Variants in TOPBP1 observed in about 807,000 individuals in gnomAD.
TOPBP1 encodes the protein DNA topoisomerase II binding protein 1, also known as DNA topoisomerase 2-binding protein 1.
In TOPBP1, 28 loss-of-function variants were observed where a neutral mutation model predicts 167.7. The ratio of observed to expected loss-of-function variants is 0.17; its 90% CI spans 0.12 to 0.23. TOPBP1 has a LOEUF of 0.23. Ranked by LOEUF, TOPBP1 falls within the 10% of genes least tolerant of loss-of-function variation. The pLI, the probability that TOPBP1 is intolerant of heterozygous loss-of-function variation, is 1.00. For missense variants in TOPBP1, 1,554 were observed against 1,809.6 expected (o/e 0.86, Z 2.56); for synonymous variants, 598 against 611.4 (o/e 0.98, Z 0.32).
At chr3:133,655,224 A>G in intron 6 of TOPBP1, 66 bp downstream of exon 6, 1 of 1,042,880 alleles carries the variant, frequency 9.6e-7, no homozygotes, top group Admixed American at 4.0e-5. Context: ...AAATAAATAA[A>G]TAAAAATAAA....
At chr3:133,615,030 A>G (rs892473420) in intron 23 of TOPBP1, among the ~76,000 whole-genome samples, 1 of 152,032 alleles carries the variant, frequency 6.6e-6, no homozygotes, top group Non-Finnish European at 1.5e-5. Context: ...CCCGCAAAAA[A>G]AAGAGAAAGT....
rs775769307 is a variant in TOPBP1 at position 133,601,337 on chromosome 3, C to G, written c.4482G>C (p.Gln1494His). The change falls in exon 28 of 28, where the codon CAG (glutamine) becomes CAC (histidine). Residue 1494 changes from glutamine to histidine, a missense_variant. This residue lies in a region of TOPBP1 where 351 missense variants were observed against 432.9 expected (regional missense o/e 0.81). Transcript: ENST00000260810. ...YCLPEAISFI[Q>H]NNKELGTGLS... ...ATCCAGTCCCAAGTTCCTTATTATT[C>G]TGAATAAATGAAATAGCTTCTGGTA... 8 of 1,591,616 alleles carry G rather than the reference C, an allele frequency of 5.0e-6. No individual in the cohort carries two copies. In the African/African-American group the frequency reaches 1.1e-4, roughly 22 times the overall value.
rs1317780953 is a variant in TOPBP1 at position 133,656,665 on chromosome 3, GTCTT to G, written c.545+7_545+10del. The G allele has an allele frequency of 6.3e-7, 1 of 1,575,972 alleles. No homozygotes were observed. The highest frequency in any genetic ancestry group is 2.3e-5 in the East Asian group (1 of 43,740). On this transcript the variant is annotated splice_region_variant and intron_variant, in intron 5 of 27. Transcript: ENST00000260810. ...TTTCAAATCTAGAAAATATAAAAATGTCTTTCTTACTTCTCTTGTGACTTCTCCC... is the reference window on the plus strand; with the variant it reads ...TTTCAAATCTAGAAAATATAAAAATGTCTTACTTCTCTTGTGACTTCTCCC...
intron 12 of TOPBP1, 44 bp from the exon 13 acceptor site, chr3:133,640,214 T>A: frequency 6.5e-7 from 1 of 1,530,298 alleles, no homozygotes; most frequent in Non-Finnish European, 8.9e-7. Context: ...ACATATACAA[T>A]TAACCCGCAA....
At position 133,655,470 on chromosome 3, in the gene TOPBP1, T is replaced by C. The variant is rs1020520511; in HGVS notation, c.562A>G (p.Thr188Ala). The change falls in exon 6 of 28, where the codon ACT (threonine) becomes GCT (alanine). Residue 188 changes from threonine to alanine, a missense_variant. Transcript: ENST00000260810. Reference sequence around the variant, plus strand: ...TTGAAATCTTCCATGTTTATATCAGTATATCTAGTTATTTTTCTGTGGGAA... The same window carrying C: ...TTGAAATCTTCCATGTTTATATCAGCATATCTAGTTATTTTTCTGTGGGAA... ...KSQEKKITRY[T>A]DINMEDFKCP... The C allele has an allele frequency of 1.3e-6, 2 of 1,505,944 alleles. No individual in the cohort carries two copies. Among genetic ancestry groups the C allele is most frequent in the African/African-American group, 1.4e-5 (1 of 70,228 alleles). 93.3% of individuals were successfully genotyped at this position (1,505,944 alleles called of 1,614,324 possible).
At position 133,610,916 on chromosome 3, in the gene TOPBP1, C is replaced by T. The variant is rs188306469; in HGVS notation, c.4173+88G>A. ...AAAAAGACAAGTAGAATCATTATTT[C>T]CTGAAGCACATTCTCTTTTAAAAAA... On this transcript the variant is annotated intron_variant, in intron 25 of 27. Coordinates refer to ENST00000260810, the MANE Select transcript of TOPBP1 (RefSeq NM_007027.4). The T allele has an allele frequency of 5.9e-4, 795 of 1,354,994 alleles. 4 individuals are homozygous for T. Among genetic ancestry groups the T allele is most frequent in the Middle Eastern group, 5.2e-3 (24 of 4,606 alleles). The allele number at this position is 1,354,994 out of a possible 1,614,324, so 83.9% of individuals were successfully genotyped here.
chr3:133,617,613 A>G (rs1475826813), intron 21 of TOPBP1: 2 of 234,984 alleles, frequency 8.5e-6, no homozygotes, highest in East Asian at 1.8e-4. Flanking sequence ...CCAAGTTTTC[A>G]TTGTTAAGTG....
chr3:133,617,444 A>C (rs1934936374), intron 21 of TOPBP1, 118 bp from the exon 22 acceptor site: 1 of 1,207,194 alleles, frequency 8.3e-7, no homozygotes, highest in Admixed American at 3.5e-5. Context: ...CTGGAATGTA[A>C]AAAGTACAGG....
In TOPBP1 at chr3:133,601,341, A is replaced by C. The variant is rs764726494; in HGVS notation, c.4478T>G (p.Ile1493Ser). Residue 1493 changes from isoleucine to serine, a missense_variant, in exon 28 of 28, where the codon ATT becomes AGT. Around this residue, in one of 3 missense-constraint regions of TOPBP1, gnomAD observed 351 missense variants for 432.9 expected, o/e 0.81. Coordinates refer to ENST00000260810, the MANE Select transcript of TOPBP1 (RefSeq NM_007027.4). ...AGTCCCAAGTTCCTTATTATTCTGA[A>C]TAAATGAAATAGCTTCTGGTAGACA... ...NYCLPEAISF[I>S]QNNKELGTGL... 6.3e-7 allele frequency: 1 copy of C among 1,589,938 alleles called. No individual in the cohort carries two copies. The highest frequency in any genetic ancestry group is 8.6e-7 in the Non-Finnish European group (1 of 1,168,220).
chr3:133,616,018 T>A (rs2107777225), intron 23 of TOPBP1, among the ~76,000 whole-genome samples: 1 of 152,348 alleles, frequency 6.6e-6, no homozygotes, highest in East Asian at 1.9e-4. Context: ...TCTTTTACTA[T>A]GCTGCTTCTA....
chr3:133,658,228 G>A (rs1203470048), intron 3 of TOPBP1, among the ~76,000 whole-genome samples: 1 of 152,184 alleles, frequency 6.6e-6, no homozygotes, highest in Non-Finnish European at 1.5e-5. Flanking sequence ...CTTCAGAGGA[G>A]GCCGAGCGGG....
In TOPBP1 at chr3:133,608,495, T is replaced by A. The variant is rs192305533; in HGVS notation, c.4425+40A>T. On this transcript the variant is annotated intron_variant, in intron 27 of 27. Coordinates refer to ENST00000260810, the MANE Select transcript of TOPBP1 (RefSeq NM_007027.4). ...TTACTTATCTATGCACATAAACGTA[T>A]CTCTGGTAATGAGGAGGTCAAGGAT... 8.2e-5 allele frequency: 132 copies of A among 1,603,968 alleles called. No homozygotes were observed. The Admixed American group carries it at 9.9e-4, about 12-fold the overall frequency.
At chr3:133,605,510 GAAGGA>G (rs752964676) in intron 27 of TOPBP1, among the ~76,000 whole-genome samples, 1 of 151,944 alleles carries the variant, frequency 6.6e-6, no homozygotes, top group South Asian at 2.1e-4. Flanking sequence ...CATAGTAATA[GAAGGA>G]AAGAGAAAAA....
Position 133,649,553 on chromosome 3 carries a change from G to C in TOPBP1, c.1334C>G (p.Ala445Gly), listed in dbSNP as rs757187541. 1 of 1,613,858 alleles carries C rather than the reference G, an allele frequency of 6.2e-7. No homozygotes were observed. Among genetic ancestry groups the C allele is most frequent in the Admixed American group, 1.7e-5 (1 of 60,026 alleles). ...TGGAATTTCCACTGGCTGGTAATTAGCATGGATATATGGTTCTTCAGAAAG... is the reference window on the plus strand; with the variant it reads ...TGGAATTTCCACTGGCTGGTAATTACCATGGATATATGGTTCTTCAGAAAG... ...YMLSEEPYIH[A>G]NYQPVEIPVS... Residue 445 changes from alanine to glycine, a missense_variant, in exon 10 of 28, where the codon GCT becomes GGT. Physicochemically the swap from Ala to Gly is moderately conservative, Grantham distance 60 (BLOSUM62 0). Transcript: ENST00000260810.
At chr3:133,609,761 G>A (rs1934611965) in intron 25 of TOPBP1, among the ~76,000 whole-genome samples, 1 of 152,150 alleles carries the variant, frequency 6.6e-6, no homozygotes, top group Admixed American at 6.5e-5. Context: ...GTAGCCATGT[G>A]GAACTGTGAG....
chr3:133,631,780 G>A (rs1030034720), intron 14 of TOPBP1, among the ~76,000 whole-genome samples: 1 of 152,114 alleles, frequency 6.6e-6, no homozygotes, highest in Non-Finnish European at 1.5e-5. Context: ...TGGGATTACA[G>A]GCATATGCCA....
chr3:133,639,736 T>G (rs544333049), intron 13 of TOPBP1, among the ~76,000 whole-genome samples: 1 of 151,824 alleles, frequency 6.6e-6, no homozygotes, highest in Non-Finnish European at 1.5e-5. Context: ...AGAGGAGAGA[T>G]AGCATGTTAA....
chr3:133,651,280 G>C (rs1936293480), intron 8 of TOPBP1, among the ~76,000 whole-genome samples: 1 of 149,374 alleles, frequency 6.7e-6, no homozygotes, highest in Non-Finnish European at 1.5e-5. Context: ...TCCGCCTCCT[G>C]GGTTCAAGTG....
At chr3:133,620,382 G>C (rs1180762488) in intron 19 of TOPBP1, 35 bp from the exon 20 acceptor site, 1 of 1,587,492 alleles carries the variant, frequency 6.3e-7, no homozygotes, top group Non-Finnish European at 8.6e-7. Context: ...TTCAAGGTAA[G>C]TTCCTCTTTT....
Sources: allele counts gnomAD v4.1 joint callset (sites outside exome capture counted in the v4.1 genomes callset), GRCh38; gene constraint gnomAD v4.1.1; regional missense constraint gnomAD v4.1.1; transcripts MANE v1.5; gene names NCBI Gene and HGNC (gene_info 2026-07-23, HGNC 2026-07-21).